Variants in PMPCA observed in about 807,000 individuals in gnomAD.
The protein encoded by PMPCA is mitochondrial-processing peptidase subunit alpha.
Under a neutral mutation model 59.3 loss-of-function variants are expected in PMPCA, and 47 were observed. That is an observed-to-expected ratio of 0.79 (90% CI 0.63 to 1.01). PMPCA has a LOEUF of 1.01. PMPCA is among the 50% of genes least tolerant of loss of function. The pLI, the probability that PMPCA is intolerant of heterozygous loss-of-function variation, is 0.00. For missense variants in PMPCA, 726 were observed against 704.5 expected (o/e 1.03, Z -0.34); for synonymous variants, 338 against 290.3 (o/e 1.16, Z -1.67).
intron 5 of PMPCA, 124 bp from the exon 6 acceptor site, chr9:136,416,167 C>T: frequency 1.4e-6 from 1 of 708,228 alleles, no homozygotes; most frequent in Non-Finnish European, 2.5e-6. Flanking sequence ...TAGATGAAGG[C>T]AGAGGTGACT....
chr9:136,419,249 A>C, intron 11 of PMPCA, 143 bp downstream of exon 11: 1 of 799,654 alleles, frequency 1.3e-6, no homozygotes, highest in East Asian at 2.5e-5. Context: ...CAGGGCGGCC[A>C]AGGAGGCACA....
At position 136,419,410 on chromosome 9, in the gene PMPCA, C is replaced by T. The variant is rs1046986074; in HGVS notation, c.1263+304C>T. The T allele has an allele frequency of 1.8e-5, 9 of 513,770 alleles. No homozygotes were observed. In the East Asian group the frequency reaches 3.1e-4, roughly 18 times the overall value. 31.8% of individuals were successfully genotyped at this position (513,770 alleles called of 1,614,324 possible). A position where few individuals can be genotyped will look rare whatever the true frequency, so the allele number is the denominator to read the frequency against. On this transcript the variant is annotated intron_variant, in intron 11 of 12. Transcript: ENST00000371717. ...CCACTGGGTGAGTCGTGGGACTGAC[C>T]ATGTGACTCTCTCAGCTTTGCTGGC...
At chr9:136,411,917 C>T (rs1169790452) in intron 1 of PMPCA, 80 bp from the exon 2 acceptor site, 7 of 813,942 alleles carry the variant, frequency 8.6e-6, no homozygotes, top group Non-Finnish European at 1.3e-5. Flanking sequence ...CCAGACAAAA[C>T]ATAACTAACC....
intron 5 of PMPCA, 87 bp downstream of exon 5, chr9:136,414,734 A>G (rs537398038): frequency 4.9e-6 from 4 of 811,510 alleles, no homozygotes; most frequent in Middle Eastern, 2.2e-4. Flanking sequence ...GCCATGAGGG[A>G]GAGCACCATG....
Position 136,417,159 on chromosome 9 carries a change from C to T in PMPCA, c.842C>T (p.Ala281Val). Reference sequence around the variant, plus strand: ...GGGGTCCAGCCGGCCTGGGGGAGCGCAGAGGCCGTGGATATTGACAGATCT... The same window carrying T: ...GGGGTCCAGCCGGCCTGGGGGAGCGTAGAGGCCGTGGATATTGACAGATCT... ...LLGVQPAWGSAEAVDIDRSVA... is the reference protein window; with the variant it reads ...LLGVQPAWGSVEAVDIDRSVA... Residue 281 changes from alanine (A) to valine (V), a missense_variant, in exon 7 of 13, where the codon GCA (alanine) becomes GTA (valine). Transcript: ENST00000371717. 6.2e-7 allele frequency: 1 copy of T among 1,611,878 alleles called. No individual in the cohort carries two copies. Among genetic ancestry groups the T allele is most frequent in the Non-Finnish European group, 8.5e-7 (1 of 1,178,648 alleles).
Position 136,412,927 on chromosome 9 carries a change from T to G in PMPCA, c.437+35T>G, listed in dbSNP as rs149377026. On this transcript the variant is annotated intron_variant, in intron 4 of 12. Coordinates refer to ENST00000371717, the MANE Select transcript of PMPCA (RefSeq NM_015160.3). ...CTTTTGTGTACAAACTGACTTTGGG[T>G]CCTTGGGAACTGACGTTCTTGTCGT... 4.4e-4 allele frequency: 552 copies of G among 1,254,830 alleles called. 1 individual carries two copies. In the African/African-American group the frequency reaches 6.9e-3, roughly 16 times the overall value. The allele number at this position is 1,254,830 out of a possible 1,614,324, so 77.7% of individuals were successfully genotyped here. A position where few individuals can be genotyped will look rare whatever the true frequency, so the allele number is the denominator to read the frequency against.
Position 136,418,818 on chromosome 9 carries a change from T to A in PMPCA, c.1110-10T>A. On this transcript the variant is annotated splice_polypyrimidine_tract_variant and intron_variant, in intron 9 of 12. Coordinates refer to ENST00000371717, the MANE Select transcript of PMPCA (RefSeq NM_015160.3). ...TCCCCTTCACTCCCATGACTCTCGC[T>A]TCCTCCCAGGCACCACTGGATGTAT... 6.2e-7 allele frequency: 1 copy of A among 1,606,948 alleles called. No individual in the cohort carries two copies. The highest frequency in any genetic ancestry group is 8.5e-7 in the Non-Finnish European group (1 of 1,174,626).
intron 1 of PMPCA, 67 bp from the exon 2 acceptor site, chr9:136,411,930 A>G (rs1247562254): frequency 2.3e-6 from 2 of 882,904 alleles, no homozygotes; most frequent in East Asian, 5.2e-5. Context: ...AACTAACCGC[A>G]CCTAACAGGT....
chr9:136,414,761 C>A, intron 5 of PMPCA, 114 bp downstream of exon 5: 1 of 701,696 alleles, frequency 1.4e-6, no homozygotes, highest in South Asian at 1.5e-5. Context: ...GAGCTTTAGG[C>A]CAACACAAAG....
At chr9:136,422,389 C>CG in intron 12 of PMPCA, 8 of 1,132,154 alleles carry the variant, frequency 7.1e-6, no homozygotes, top group Non-Finnish European at 8.8e-6. Flanking sequence ...CCCAGGTTTC[C>CG]GGGGCCCCCA....
chr9:136,411,919 T>G, intron 1 of PMPCA, 78 bp from the exon 2 acceptor site: 1 of 822,790 alleles, frequency 1.2e-6, no homozygotes, highest in Non-Finnish European at 2.1e-6. Context: ...AGACAAAACA[T>G]AACTAACCGC....
intron 7 of PMPCA, among the ~76,000 whole-genome samples, chr9:136,417,682 C>G (rs1223382145): frequency 6.6e-6 from 1 of 152,004 alleles, no homozygotes. Context: ...TCTCGAACTC[C>G]TGACCTCATG....
chr9:136,422,192 C>T, intron 12 of PMPCA: 2 of 1,504,780 alleles, frequency 1.3e-6, no homozygotes, highest in Non-Finnish European at 1.8e-6. Context: ...GCACCTGCTG[C>T]CTCCTTGGCA....
Position 136,416,971 on chromosome 9 carries a change from A to C in PMPCA, c.654A>C (p.Thr218=). The change falls in exon 7 of 13, where the codon ACA becomes ACC. Residue 218 remains threonine, a synonymous_variant. Coordinates refer to ENST00000371717, the MANE Select transcript of PMPCA (RefSeq NM_015160.3). The part of the protein sequence containing the change: ...MIHEAAYREN[T]VGLHRFCPTE... ...ATTAGGCGGCTTACAGGGAGAACAC[A>C]GTTGGCCTCCACCGTTTCTGCCCCA... 2 of 1,611,776 alleles carry C rather than the reference A, an allele frequency of 1.2e-6. No individual in the cohort carries two copies. Among genetic ancestry groups the C allele is most frequent in the Non-Finnish European group, 1.7e-6 (2 of 1,179,712 alleles).
chr9:136,423,515 G>A lies in PMPCA; in HGVS notation c.*251G>A, dbSNP rs146802777. 4.0e-4 allele frequency: 190 copies of A among 470,024 alleles called. No individual in the cohort carries two copies. Among genetic ancestry groups the A allele is most frequent in the African/African-American group, 4.7e-4 (24 of 51,576 alleles). The allele number at this position is 470,024 out of a possible 1,614,324, so 29.1% of individuals were successfully genotyped here. On this transcript the variant is annotated 3_prime_UTR_variant, in exon 13 of 13. Coordinates refer to ENST00000371717, the MANE Select transcript of PMPCA (RefSeq NM_015160.3). ...CCAGCGCTGGAGTGCAGCGTGCCAC[G>A]AGGAGGGCGGTCGGTGCTTCCCTCC...
At chr9:136,422,865 A>T in intron 12 of PMPCA, 1 of 1,358,580 alleles carries the variant, frequency 7.4e-7, no homozygotes, top group Non-Finnish European at 9.5e-7. Flanking sequence ...GCTTTGTCCT[A>T]TATTTTTAAG....
Position 136,412,572 on chromosome 9 carries a change from C to G in PMPCA, c.354+3C>G. 1 of 1,509,652 alleles carries G rather than the reference C, an allele frequency of 6.6e-7. No individual in the cohort carries two copies. Among genetic ancestry groups the G allele is most frequent in the African/African-American group, 1.4e-5 (1 of 72,800 alleles). The allele number at this position is 1,509,652 out of a possible 1,614,324, so 93.5% of individuals were successfully genotyped here. On this transcript the variant is annotated splice_donor_region_variant and intron_variant, in intron 3 of 12. Transcript: ENST00000371717. ...TTTTGGAAAAATTGGCATTTTCGGTCAGTACCCAGTTTTGTAATTTTTTAG... is the reference window on the plus strand; with the variant it reads ...TTTTGGAAAAATTGGCATTTTCGGTGAGTACCCAGTTTTGTAATTTTTTAG...
At position 136,412,065 on chromosome 9, in the gene PMPCA, C is replaced by T. The variant is rs1450652782; in HGVS notation, c.140C>T (p.Pro47Leu). ...GAYPNIPLSS[P>L]LPGVPKPVFA... ...TATCCCAACATCCCCCTCTCTTCTC[C>T]CTTACCTGGAGTACCCAAGCCTGTT... The change falls in exon 2 of 13, where the codon CCC (proline) becomes CTC (leucine). Residue 47 changes from proline (P) to leucine (L), a missense_variant. Coordinates refer to ENST00000371717, the MANE Select transcript of PMPCA (RefSeq NM_015160.3). 1.2e-6 allele frequency: 2 copies of T among 1,613,448 alleles called. No homozygotes were observed. The highest frequency in any genetic ancestry group is 3.3e-5 in the Admixed American group (2 of 60,026).
chr9:136,419,491 GT>G, intron 11 of PMPCA: 1 of 365,700 alleles, frequency 2.7e-6, no homozygotes, highest in Non-Finnish European at 5.2e-6. Context: ...GGTGACTGGG[GT>G]GAAGCAGCTC....
Sources: allele counts gnomAD v4.1 joint callset (sites outside exome capture counted in the v4.1 genomes callset), GRCh38; gene constraint gnomAD v4.1.1; transcripts MANE v1.5; gene names NCBI Gene and HGNC (gene_info 2026-07-23, HGNC 2026-07-21).